The following CLIP1 variants were observed in gnomAD, a reference collection of about 807,000 sequenced individuals.
The protein encoded by CLIP1 is CAP-Gly domain-containing linker protein 1.
A neutral mutation model predicts 161.6 loss-of-function variants in CLIP1; 66 were observed. That is an observed-to-expected ratio of 0.41 (90% CI 0.33 to 0.50). CLIP1 has a LOEUF of 0.50. Ranked by LOEUF, CLIP1 falls within the 20% of genes least tolerant of loss-of-function variation. CLIP1 has a pLI of 0.27. For missense variants in CLIP1, 1,376 were observed against 1,702.0 expected (o/e 0.81, Z 3.37); for synonymous variants, 598 against 626.2 (o/e 0.96, Z 0.67).
intron 1 of CLIP1, among the ~76,000 whole-genome samples, chr12:122,396,959 T>TTG (rs71082983): frequency 3.2e-5 from 4 of 126,356 alleles, no homozygotes; most frequent in Non-Finnish European, 5.2e-5. Context: ...TTTTTTTTTT[T>TTG]GTAGAGATGG....
chr12:122,318,631 G>A (rs970676623), intron 18 of CLIP1, among the ~76,000 whole-genome samples: 4 of 152,116 alleles, frequency 2.6e-5, no homozygotes, highest in African/African-American at 7.2e-5. Context: ...TGCCTCAGTC[G>A]GCTTAGGATT....
At chr12:122,327,770 A>G (rs1482616056) in intron 17 of CLIP1, among the ~76,000 whole-genome samples, 177 bp downstream of exon 17, 1 of 152,068 alleles carries the variant, frequency 6.6e-6, no homozygotes, top group Admixed American at 6.6e-5. Context: ...CAGCTGGCAC[A>G]AAACACTTGA....
intron 4 of CLIP1, 69 bp from the exon 5 acceptor site, chr12:122,361,250 G>A (rs1243285132): frequency 7.6e-7 from 1 of 1,322,884 alleles, no homozygotes; most frequent in East Asian, 2.3e-5. Flanking sequence ...ATAACCAAAA[G>A]GTTCTCCCAA....
intron 12 of CLIP1, among the ~76,000 whole-genome samples, chr12:122,335,160 T>C (rs925825585): frequency 6.6e-6 from 1 of 152,174 alleles, no homozygotes; most frequent in African/African-American, 2.4e-5. Flanking sequence ...CTTTTGAAAC[T>C]GAAAAGGCCC....
At position 122,341,154 on chromosome 12, in the gene CLIP1, C is replaced by G. The variant is rs778082284; in HGVS notation, c.2050G>C (p.Glu684Gln). Residue 684 changes from glutamate (E) to glutamine (Q), a missense_variant, in exon 11 of 26, where the codon GAA becomes CAA. Glu to Gln is a conservative substitution (Grantham distance 29). Transcript: ENST00000620786. ...ATCTCTTTAGCATGGGCAGCCCGTTCAGAGTCTTGTTGATTCTGCAAATTT... is the reference window on the plus strand; with the variant it reads ...ATCTCTTTAGCATGGGCAGCCCGTTGAGAGTCTTGTTGATTCTGCAAATTT... The part of the protein sequence containing the change: ...IENLQNQQDS[E>Q]RAAHAKEMEA... The G allele has an allele frequency of 1.9e-6, 3 of 1,614,192 alleles. No homozygotes were observed. The highest frequency in any genetic ancestry group is 2.2e-5 in the South Asian group (2 of 91,080).
chr12:122,377,300 G>T lies in CLIP1; in HGVS notation c.657+89C>A, dbSNP rs569716730. ...TGGGATTATAGGTGTGAGCCACCGC[G>T]CCCAGCCCTGATGTGTGTGTATTTC... On this transcript the variant is annotated intron_variant, in intron 3 of 25. Coordinates refer to ENST00000620786, the MANE Select transcript of CLIP1 (RefSeq NM_001247997.2). The T allele has an allele frequency of 3.6e-5, 44 of 1,232,688 alleles. No individual in the cohort carries two copies. The African/African-American group carries it at 5.7e-4, about 16-fold the overall frequency. The allele number at this position is 1,232,688 out of a possible 1,614,324, so 76.4% of individuals were successfully genotyped here. A position where few individuals can be genotyped will look rare whatever the true frequency, so the allele number is the denominator to read the frequency against.
chr12:122,419,382 T>G (rs1801998216), intron 1 of CLIP1, among the ~76,000 whole-genome samples: 1 of 147,454 alleles, frequency 6.8e-6, no homozygotes, highest in Non-Finnish European at 1.5e-5. Context: ...AAAAAAAAAA[T>G]TAATTAAAAA....
At chr12:122,293,431 G>A (rs1950335541) in intron 20 of CLIP1, among the ~76,000 whole-genome samples, 1 of 152,070 alleles carries the variant, frequency 6.6e-6, no homozygotes, top group Non-Finnish European at 1.5e-5. Context: ...TAAATTGCTG[G>A]TGAGAATGTA....
intron 1 of CLIP1, among the ~76,000 whole-genome samples, chr12:122,398,243 C>G (rs1469506416): frequency 6.8e-6 from 1 of 147,442 alleles, no homozygotes; most frequent in Non-Finnish European, 1.5e-5. Context: ...TGGTGAAACC[C>G]TGTCTCTACT....
At chr12:122,385,122 G>A (rs577687887) in intron 1 of CLIP1, among the ~76,000 whole-genome samples, 10 of 151,924 alleles carry the variant, frequency 6.6e-5, no homozygotes, top group African/African-American at 1.9e-4. Flanking sequence ...TAGTAGAGAC[G>A]GGGTTTCACC....
Position 122,361,172 on chromosome 12 carries a change from C to T in CLIP1, c.792G>A (p.Gln264=). 6.2e-7 allele frequency: 1 copy of T among 1,611,562 alleles called. No homozygotes were observed. Among genetic ancestry groups the T allele is most frequent in the Non-Finnish European group, 8.5e-7 (1 of 1,178,130 alleles). The part of the protein sequence containing the change: ...DGAVAGTRYF[Q]CQPKYGLFAP... ...CGAACAAGCCATATTTGGGTTGACA[C>T]TGAAAATACCTTTAGAGAACAATAA... Residue 264 remains glutamine (Q), a synonymous_variant, in exon 5 of 26, where the codon CAG becomes CAA. Coordinates refer to ENST00000620786, the MANE Select transcript of CLIP1 (RefSeq NM_001247997.2).
At chr12:122,382,501 T>C (rs1185597099) in intron 1 of CLIP1, among the ~76,000 whole-genome samples, 2 of 146,084 alleles carry the variant, frequency 1.4e-5, no homozygotes, top group Non-Finnish European at 1.5e-5. Context: ...AGACACCACC[T>C]CGAAAAAGAA....
intron 20 of CLIP1, among the ~76,000 whole-genome samples, chr12:122,298,366 T>C (rs1310644812): frequency 6.6e-6 from 1 of 152,098 alleles, no homozygotes; most frequent in Non-Finnish European, 1.5e-5. Context: ...TGCAGCACTT[T>C]GGGAGGCCGA....
At chr12:122,352,641 C>G in intron 8 of CLIP1, 85 bp downstream of exon 8, 1 of 1,236,926 alleles carries the variant, frequency 8.1e-7, no homozygotes, top group Non-Finnish European at 1.2e-6. Flanking sequence ...CTGTTCTGGC[C>G]GCTCATTTCA....
chr12:122,278,890 A>G lies in CLIP1; in HGVS notation c.3818T>C (p.Val1273Ala), dbSNP rs781598963. The G allele has an allele frequency of 6.2e-7, 1 of 1,613,264 alleles. No individual in the cohort carries two copies. The highest frequency in any genetic ancestry group is 8.5e-7 in the Non-Finnish European group (1 of 1,179,688). The part of the protein sequence containing the change: ...NASAKSLHSV[V>A]QTLESDKVKL... ...CACCTTATCAGACTCTAGAGTCTGA[A>G]CAACTGAATGCAAGGACTTGGCAGA... Residue 1273 changes from valine (V) to alanine (A), a missense_variant, in exon 23 of 26, where the codon GTT becomes GCT. By Grantham distance (64) the Val-to-Ala change is moderately conservative (BLOSUM62 0). This residue lies in a region of CLIP1 where 948 missense variants were observed against 1,134.8 expected (regional missense o/e 0.84). Coordinates refer to ENST00000620786, the MANE Select transcript of CLIP1 (RefSeq NM_001247997.2).
At chr12:122,418,919 G>C (rs1414151444) in intron 1 of CLIP1, among the ~76,000 whole-genome samples, 7 of 152,174 alleles carry the variant, frequency 4.6e-5, no homozygotes, top group Non-Finnish European at 7.3e-5. Context: ...CATACAAAGT[G>C]AAAGTCTCGA....
chr12:122,305,285 G>T (rs60595657), intron 20 of CLIP1, among the ~76,000 whole-genome samples: 3,663 of 152,280 alleles, frequency 0.024, 98 homozygotes, highest in South Asian at 0.065. Context: ...CCTATGAAAA[G>T]AAAATAGGGG....
chr12:122,393,718 C>A (rs1171389331), intron 1 of CLIP1, among the ~76,000 whole-genome samples: 1 of 151,750 alleles, frequency 6.6e-6, no homozygotes, highest in Non-Finnish European at 1.5e-5. Context: ...TCGAGACCAG[C>A]CTGGACAACA....
In CLIP1 at chr12:122,341,705, C is replaced by T; in HGVS notation, c.1507-8G>A. 3 of 1,410,638 alleles carry T rather than the reference C, an allele frequency of 2.1e-6. No individual in the cohort carries two copies. The highest frequency in any genetic ancestry group is 1.9e-4 in the Middle Eastern group (1 of 5,260). The allele number at this position is 1,410,638 out of a possible 1,614,324, so 87.4% of individuals were successfully genotyped here. A position where few individuals can be genotyped will look rare whatever the true frequency, so the allele number is the denominator to read the frequency against. ...TTCTGAAACTGTAGCCACCTATTAA[C>T]AGCAGTCCAAAGAAAAAAAGATCAT... On this transcript the variant is annotated splice_region_variant and splice_polypyrimidine_tract_variant and intron_variant, in intron 10 of 25. Transcript: ENST00000620786.
Sources: allele counts gnomAD v4.1 joint callset (sites outside exome capture counted in the v4.1 genomes callset), GRCh38; gene constraint gnomAD v4.1.1; regional missense constraint gnomAD v4.1.1; transcripts MANE v1.5; gene names NCBI Gene and HGNC (gene_info 2026-07-23, HGNC 2026-07-21).